COQ9: variants seen among roughly 807,000 people sequenced by gnomAD.
COQ9 encodes the protein ubiquinone biosynthesis protein COQ9, mitochondrial.
COQ9 carries 35 observed loss-of-function variants against 42.4 expected under a neutral mutation model. That is an observed-to-expected ratio of 0.83 (90% CI 0.63 to 1.10). The LOEUF is 1.10. COQ9 is among the 50% of genes least tolerant of loss of function. The pLI is 0.00. For missense variants in COQ9, 406 were observed against 414.6 expected (o/e 0.98, Z 0.18); for synonymous variants, 155 against 155.1 (o/e 1.00, Z 0.00).
intron 3 of COQ9, chr16:57,453,252 T>G (rs1173351362): frequency 2.3e-6 from 1 of 433,840 alleles, no homozygotes; most frequent in Non-Finnish European, 4.3e-6. Context: ...TTTAAATGCA[T>G]CAGTAAAAAA....
rs528719112 is a variant in COQ9, at chr16:57,451,310, C to G, written c.242+102C>G. 9 of 1,283,876 alleles carry G rather than the reference C, an allele frequency of 7.0e-6. No individual in the cohort carries two copies. The East Asian group carries it at 1.8e-4, about 26-fold the overall frequency. 79.5% of individuals were successfully genotyped at this position (1,283,876 alleles called of 1,614,324 possible). On this transcript the variant is annotated intron_variant, in intron 2 of 8. Transcript: ENST00000262507. ...CTCCATCCCCTTTTGTACCTTCCTT[C>G]ATTTCCAAGGCCATCTTTGTTTTTT...
rs686402 is a variant in COQ9, at chr16:57,452,701, C to T, written c.243-100C>T. On this transcript the variant is annotated intron_variant, in intron 2 of 8. Transcript: ENST00000262507. Reference sequence around the variant, plus strand: ...AGTGACACAAGAGTAAATGTCTTCCCAGCATGTGCTTAGAGGAGATCCAGA... The same window carrying T: ...AGTGACACAAGAGTAAATGTCTTCCTAGCATGTGCTTAGAGGAGATCCAGA... 0.51 allele frequency: 677,602 copies of T among 1,336,776 alleles called. 174,909 individuals are homozygous for T. Among genetic ancestry groups the T allele is most frequent in the Non-Finnish European group, 0.53 (494,553 of 930,262 alleles). 82.8% of individuals were successfully genotyped at this position (1,336,776 alleles called of 1,614,324 possible). A position where few individuals can be genotyped will look rare whatever the true frequency, so the allele number is the denominator to read the frequency against.
At chr16:57,458,059 C>T (rs1446901361) in intron 5 of COQ9, 187 bp from the exon 6 acceptor site, 1 of 635,514 alleles carries the variant, frequency 1.6e-6, no homozygotes, top group Middle Eastern at 4.0e-4. Context: ...GGGCTATGCC[C>T]CTGGCTCTCC....
At chr16:57,460,135 CCT>C in intron 8 of COQ9, 31 bp downstream of exon 8, 1 of 1,611,112 alleles carries the variant, frequency 6.2e-7, no homozygotes, top group Non-Finnish European at 8.5e-7. Context: ...CCCTGCCCCT[CCT>C]CTCTCCCATT....
At chr16:57,455,943 G>A (rs2030392743) in intron 3 of COQ9, among the ~76,000 whole-genome samples, 1 of 152,082 alleles carries the variant, frequency 6.6e-6, no homozygotes, top group South Asian at 2.1e-4. Context: ...GCCAGATGCG[G>A]TGGCGCATAC....
At chr16:57,456,081 CAA>C (rs112390663) in intron 3 of COQ9, among the ~76,000 whole-genome samples, 1,775 of 151,906 alleles carry the variant, frequency 0.012, 34 homozygotes, top group African/African-American at 0.04. Flanking sequence ...AAGAAAGAAA[CAA>C]GAGTGAGGGT....
chr16:57,450,286 G>C (rs2030252504), intron 1 of COQ9, among the ~76,000 whole-genome samples: 1 of 151,904 alleles, frequency 6.6e-6, no homozygotes, highest in Non-Finnish European at 1.5e-5. Flanking sequence ...GTGGTGGCGG[G>C]TGCCTGTGAT....
chr16:57,456,965 G>A lies in COQ9; in HGVS notation c.556G>A (p.Val186Met). 6.2e-6 allele frequency: 10 copies of A among 1,614,158 alleles called. No homozygotes were observed. The highest frequency in any genetic ancestry group is 8.5e-6 in the Non-Finnish European group (10 of 1,180,002). ...RKTDQFLRDA[V>M]ETRLRMLIPY... ...GACAGACCAGTTCCTGAGGGATGCA[G>A]TGGAAACCAGACTGAGAATGCTGAT... The change falls in exon 5 of 9, where the codon GTG (valine) becomes ATG (methionine). Residue 186 changes from valine to methionine, a missense_variant. Coordinates refer to ENST00000262507, the MANE Select transcript of COQ9 (RefSeq NM_020312.4).
chr16:57,457,278 G>T, intron 5 of COQ9: 1 of 542,370 alleles, frequency 1.8e-6, no homozygotes, highest in South Asian at 1.8e-5. Context: ...TTCTCCTAGT[G>T]GTCTGAGTGT....
intron 8 of COQ9, 128 bp downstream of exon 8, chr16:57,460,232 A>C: frequency 9.9e-7 from 1 of 1,010,992 alleles, no homozygotes. Context: ...AAGGCTGACA[A>C]TGGTTCAGCC....
intron 5 of COQ9, 94 bp downstream of exon 5, chr16:57,457,109 G>T (rs1448270237): frequency 2.1e-6 from 2 of 967,438 alleles, no homozygotes; most frequent in African/African-American, 3.2e-5. Context: ...ACACTGTTCA[G>T]AACTTAGCTT....
In COQ9 at chr16:57,460,634, G is replaced by C; in HGVS notation, c.*10G>C. 6.2e-7 allele frequency: 1 copy of C among 1,612,512 alleles called. No individual in the cohort carries two copies. The highest frequency in any genetic ancestry group is 8.5e-7 in the Non-Finnish European group (1 of 1,178,530). Reference sequence around the variant, plus strand: ...AAACCAGCGTCGGTGAGAGGAAGGGGTATAAGCTACAATGCCTAGAAGAGA... The same window carrying C: ...AAACCAGCGTCGGTGAGAGGAAGGGCTATAAGCTACAATGCCTAGAAGAGA... On this transcript the variant is annotated 3_prime_UTR_variant, in exon 9 of 9. Transcript: ENST00000262507.
In COQ9 at chr16:57,451,067, C is replaced by A. The variant is rs775476569; in HGVS notation, c.101C>A (p.Pro34Gln). ...GCCCGTTGCCGACAAGCCCTGGTGC[C>A]GCGTGCCTTCCATGCTTCAGCTGTG... ...PVARCRQALV[P>Q]RAFHASAVGL... Residue 34 changes from proline (P) to glutamine (Q), a missense_variant, in exon 2 of 9, where the codon CCG becomes CAG. Coordinates refer to ENST00000262507, the MANE Select transcript of COQ9 (RefSeq NM_020312.4). 6.2e-7 allele frequency: 1 copy of A among 1,614,128 alleles called. No homozygotes were observed. The highest frequency in any genetic ancestry group is 8.5e-7 in the Non-Finnish European group (1 of 1,180,036).
rs764339861 is a variant in COQ9 at position 57,450,767 on chromosome 16, G to A, written c.74-273G>A. The A allele has an allele frequency of 1.2e-5, 6 of 519,654 alleles. No individual in the cohort carries two copies. The Admixed American group carries it at 1.9e-4, about 17-fold the overall frequency. 32.2% of individuals were successfully genotyped at this position (519,654 alleles called of 1,614,324 possible). A position where few individuals can be genotyped will look rare whatever the true frequency, so the allele number is the denominator to read the frequency against. Reference sequence around the variant, plus strand: ...TGCAGATTTAAAAATCTGCACATTGGGGTGAAATTGTTTGCCAGTTACCCA... The same window carrying A: ...TGCAGATTTAAAAATCTGCACATTGAGGTGAAATTGTTTGCCAGTTACCCA... On this transcript the variant is annotated intron_variant, in intron 1 of 8. Transcript: ENST00000262507.
chr16:57,453,803 A>T (rs1260320251), intron 3 of COQ9: 10 of 152,264 alleles, frequency 6.6e-5, no homozygotes, highest in Non-Finnish European at 1.5e-5. Flanking sequence ...CACACCAAAG[A>T]TCATACTATC....
rs756912227 is a variant in COQ9 at position 57,456,581 on chromosome 16, G to T, written c.456G>T (p.Gln152His). Residue 152 changes from glutamine to histidine, a missense_variant, in exon 4 of 9, where the codon CAG becomes CAT. By Grantham distance (24) the Gln-to-His change is conservative (BLOSUM62 0). Transcript: ENST00000262507. ...GSELILHFVT[Q>H]CNTRLTRVLE... ...AGCTAATACTGCATTTTGTGACCCAGTGCAATACCCGGCTCACACGTGTGC... is the reference window on the plus strand; with the variant it reads ...AGCTAATACTGCATTTTGTGACCCATTGCAATACCCGGCTCACACGTGTGC... 1 of 1,614,198 alleles carries T rather than the reference G, an allele frequency of 6.2e-7. No individual in the cohort carries two copies. The highest frequency in any genetic ancestry group is 2.2e-5 in the East Asian group (1 of 44,892).
At chr16:57,457,617 A>G (rs1410963684) in intron 5 of COQ9, among the ~76,000 whole-genome samples, 1 of 152,198 alleles carries the variant, frequency 6.6e-6, no homozygotes, top group Non-Finnish European at 1.5e-5. Context: ...ACTACTAAGC[A>G]CGTAGTTTCA....
At chr16:57,458,493 G>A (rs781507953) in intron 6 of COQ9, 143 bp downstream of exon 6, 12 of 698,406 alleles carry the variant, frequency 1.7e-5, no homozygotes, top group South Asian at 9.0e-5. Context: ...AGGAAGGTCC[G>A]TCAAGAAGCC....
rs749274845 is a variant in COQ9 at position 57,458,293 on chromosome 16, C to A, written c.654C>A (p.Ser218Arg). Residue 218 changes from serine (S) to arginine (R), a missense_variant, in exon 6 of 9, where the codon AGC becomes AGA. Ser to Arg is a moderately radical substitution (Grantham distance 110). Transcript: ENST00000262507. ...MLPHNIPSSLSLLTSMVDDMW... is the reference protein window; with the variant it reads ...MLPHNIPSSLRLLTSMVDDMW... The stretch of plus-strand genomic sequence containing the variant: ...CTCACAACATCCCGTCCAGCCTGAG[C>A]CTGCTCACCAGCATGGTGGATGACA... 5.6e-6 allele frequency: 9 copies of A among 1,612,920 alleles called. No individual in the cohort carries two copies. Among genetic ancestry groups the A allele is most frequent in the Non-Finnish European group, 7.6e-6 (9 of 1,179,480 alleles).
Sources: gnomAD v4.1 joint callset for allele counts (sites outside exome capture counted in the v4.1 genomes callset) on GRCh38, gnomAD v4.1.1 for gene constraint, MANE v1.5 for transcripts, NCBI Gene and HGNC (gene_info 2026-07-23, HGNC 2026-07-21) for gene names.